The following FBXO4 variants were observed in gnomAD, a reference collection of about 807,000 sequenced individuals.
FBXO4 encodes F-box only protein 4.
Under a neutral mutation model 43.7 loss-of-function variants are expected in FBXO4, and 36 were observed. That is an observed-to-expected ratio of 0.82 (90% confidence interval 0.63 to 1.09). The LOEUF (loss-of-function observed/expected upper bound fraction) is 1.09. Among genes scored for constraint, FBXO4 ranks in the 50% least tolerant of loss-of-function variants. The probability of loss-of-function intolerance (pLI) is 0.00; values close to 1 mark genes in which losing one functional copy is unlikely to be tolerated. For synonymous variants in FBXO4, 180 were observed against 165.6 expected (o/e 1.09, Z -0.67); for missense variants, 435 against 474.1 (o/e 0.92, Z 0.77).
chr5:41,993,878 A>G, the FBXO4 span, among the ~76,000 whole-genome samples: 3 of 151,946 alleles, frequency 2.0e-5, no homozygotes, highest in African/African-American at 7.3e-5. Context: ...GCTGCTTTAT[A>G]TTGGCTGGCA....
chr5:41,953,407 T>C, the FBXO4 span, among the ~76,000 whole-genome samples: 1 of 152,184 alleles, frequency 6.6e-6, no homozygotes, highest in Admixed American at 6.5e-5. Context: ...TGTTGGACAT[T>C]TGGGTTGGTT....
chr5:41,988,390 T>C, the FBXO4 span, among the ~76,000 whole-genome samples: 2 of 152,186 alleles, frequency 1.3e-5, no homozygotes, highest in African/African-American at 4.8e-5. Context: ...TTGAAGGGTA[T>C]ACTTAAAAAT....
At chr5:42,009,218 CCT>C in the FBXO4 span, among the ~76,000 whole-genome samples, 1 of 152,068 alleles carries the variant, frequency 6.6e-6, no homozygotes, top group Admixed American at 6.6e-5. Flanking sequence ...TTATTTGCTC[CCT>C]GTTTCTCCCT....
the FBXO4 span, among the ~76,000 whole-genome samples, chr5:42,017,082 T>C: frequency 6.6e-6 from 1 of 151,992 alleles, no homozygotes; most frequent in African/African-American, 2.4e-5. Context: ...TATTATAGTA[T>C]ATCGTATATA....
the FBXO4 span, among the ~76,000 whole-genome samples, chr5:41,965,935 G>C: frequency 6.6e-6 from 1 of 152,206 alleles, no homozygotes; most frequent in Non-Finnish European, 1.5e-5. Context: ...TTAAGAAAAT[G>C]TGGGACATAC....
the FBXO4 span, among the ~76,000 whole-genome samples, chr5:42,021,431 G>T: frequency 1.3e-5 from 2 of 152,114 alleles, no homozygotes; most frequent in African/African-American, 4.8e-5. Context: ...ATTGAAATTG[G>T]AGAGACTCAT....
At chr5:41,983,111 T>C in the FBXO4 span, among the ~76,000 whole-genome samples, 1 of 152,296 alleles carries the variant, frequency 6.6e-6, no homozygotes, top group Non-Finnish European at 1.5e-5. Context: ...CTTTCTCCAG[T>C]CTATCATTGA....
At chr5:41,996,641 C>T in the FBXO4 span, among the ~76,000 whole-genome samples, 69 of 152,230 alleles carry the variant, frequency 4.5e-4, no homozygotes, top group African/African-American at 1.6e-3. Context: ...TTGATAAATG[C>T]GACAGAATAA....
rs893452454 is a variant in FBXO4 at position 41,941,454 on chromosome 5, A to G, written c.*173A>G. ...TATTTTTACTCTTTACCATAAATCA[A>G]TTACAAGAAAAGAGTTTCAGTCCTA... On this transcript the variant is annotated 3_prime_UTR_variant, in exon 7 of 7. Coordinates refer to ENST00000281623, the MANE Select transcript of FBXO4 (RefSeq NM_012176.3). 9.6e-6 allele frequency: 4 copies of G among 415,934 alleles called. No individual in the cohort carries two copies. The highest frequency in any genetic ancestry group is 7.9e-5 in the African/African-American group (4 of 50,460). 25.8% of individuals were successfully genotyped at this position (415,934 alleles called of 1,614,324 possible). A position where few individuals can be genotyped will look rare whatever the true frequency, so the allele number is the denominator to read the frequency against.
the FBXO4 span, among the ~76,000 whole-genome samples, chr5:42,011,126 G>C: frequency 6.6e-6 from 1 of 152,142 alleles, no homozygotes; most frequent in Non-Finnish European, 1.5e-5. Context: ...TGATGGGCTA[G>C]AATAATGTCT....
At chr5:41,930,052 G>A in intron 3 of FBXO4, 135 bp downstream of exon 3, 1 of 664,890 alleles carries the variant, frequency 1.5e-6, no homozygotes, top group Non-Finnish European at 2.5e-6. Context: ...AGCCCTACCA[G>A]GTTCCACTGA....
At chr5:41,927,281 C>G in intron 2 of FBXO4, 33 bp downstream of exon 2, 2 of 1,479,084 alleles carry the variant, frequency 1.4e-6, no homozygotes, top group African/African-American at 2.8e-5. Context: ...TAAAAAGAAG[C>G]TATTAAATTT....
the FBXO4 span, among the ~76,000 whole-genome samples, chr5:41,999,478 C>CATATATAT: frequency 2.5e-4 from 7 of 27,884 alleles, no homozygotes; most frequent in African/African-American, 5.6e-4. Flanking sequence ...TATATATATA[C>CATATATAT]ACATATATAT....
chr5:41,967,602 C>T, the FBXO4 span: 29 of 1,083,764 alleles, frequency 2.7e-5, no homozygotes, highest in Non-Finnish European at 4.0e-5. Context: ...CCAGCCACAA[C>T]CACATTCTTC....
the FBXO4 span, among the ~76,000 whole-genome samples, chr5:42,016,322 A>T: frequency 6.6e-5 from 10 of 152,072 alleles, no homozygotes; most frequent in Admixed American, 6.6e-4. Flanking sequence ...CTCTTGTAAA[A>T]GGAGAAAGAT....
At chr5:41,978,879 A>AG in the FBXO4 span, among the ~76,000 whole-genome samples, 11 of 152,176 alleles carry the variant, frequency 7.2e-5, no homozygotes, top group Admixed American at 2.0e-4. Context: ...TATTCTTGGA[A>AG]CTTGGTGTTG....
At chr5:41,994,041 A>G in the FBXO4 span, among the ~76,000 whole-genome samples, 3 of 152,254 alleles carry the variant, frequency 2.0e-5, no homozygotes, top group African/African-American at 7.2e-5. Context: ...GCTCAGAATT[A>G]ACCATCACAA....
chr5:41,999,969 T>TC, the FBXO4 span, among the ~76,000 whole-genome samples: 1 of 152,158 alleles, frequency 6.6e-6, no homozygotes, highest in African/African-American at 2.4e-5. Flanking sequence ...ACCCAACATT[T>TC]CCCCATTTCC....
At chr5:41,974,400 GT>G in the FBXO4 span, among the ~76,000 whole-genome samples, 1 of 151,950 alleles carries the variant, frequency 6.6e-6, no homozygotes, top group African/African-American at 2.4e-5. Flanking sequence ...CTCTCTTCTT[GT>G]TTTTTGTTTG....
Sources: allele counts gnomAD v4.1 joint callset (sites outside exome capture counted in the v4.1 genomes callset), GRCh38; gene constraint gnomAD v4.1.1; transcripts MANE v1.5; gene names NCBI Gene and HGNC (gene_info 2026-07-23, HGNC 2026-07-21).